SEMA6D: variants seen among roughly 807,000 people sequenced by gnomAD.
The protein encoded by SEMA6D is semaphorin-6D.
SEMA6D carries 35 observed loss-of-function variants against 106.6 expected under a neutral mutation model. The ratio of observed to expected loss-of-function variants is 0.33; its 90% CI spans 0.25 to 0.44. SEMA6D has a LOEUF of 0.44. Ranked by LOEUF, SEMA6D falls within the 20% of genes least tolerant of loss-of-function variation. SEMA6D has a pLI of 1.00. For synonymous variants in SEMA6D, 499 were observed against 487.7 expected (o/e 1.02, Z -0.31); for missense variants, 1,185 against 1,345.9 (o/e 0.88, Z 1.87).
At chr15:47,342,322 G>C (rs2037850303) in intron 1 of SEMA6D, among the ~76,000 whole-genome samples, 1 of 152,158 alleles carries the variant, frequency 6.6e-6, no homozygotes, top group Non-Finnish European at 1.5e-5. Context: ...TTCATGAGTT[G>C]TTCTTTGCTC....
chr15:47,230,653 T>G (rs1318295318), intron 1 of SEMA6D, among the ~76,000 whole-genome samples: 1 of 152,030 alleles, frequency 6.6e-6, no homozygotes, highest in Non-Finnish European at 1.5e-5. Flanking sequence ...TCTCAAAGTG[T>G]CATCAGTCCC....
chr15:47,594,316 C>G (rs1009414793), intron 3 of SEMA6D, among the ~76,000 whole-genome samples: 1 of 152,150 alleles, frequency 6.6e-6, no homozygotes, highest in Non-Finnish European at 1.5e-5. Flanking sequence ...TCCTCTGTTT[C>G]CCTTTCTTTT....
chr15:47,647,719 C>CAAAAAAAA (rs777557315), intron 4 of SEMA6D, among the ~76,000 whole-genome samples: 1 of 93,776 alleles, frequency 1.1e-5, no homozygotes, highest in Non-Finnish European at 2.6e-5. Flanking sequence ...CAATTGTGGG[C>CAAAAAAAA]AAAAAAAAAA....
intron 4 of SEMA6D, among the ~76,000 whole-genome samples, chr15:47,637,266 C>G (rs2077406465): frequency 6.6e-6 from 1 of 152,182 alleles, no homozygotes; most frequent in Non-Finnish European, 1.5e-5. Flanking sequence ...TCTTTCCACC[C>G]CAAACAGTGC....
intron 1 of SEMA6D, among the ~76,000 whole-genome samples, chr15:47,411,406 TG>T (rs2040794526): frequency 6.6e-6 from 1 of 152,120 alleles, no homozygotes. Context: ...CATGCATGCC[TG>T]CCATTGAAGA....
chr15:47,266,225 T>A (rs559633237), intron 1 of SEMA6D, among the ~76,000 whole-genome samples: 12 of 152,222 alleles, frequency 7.9e-5, no homozygotes, highest in African/African-American at 2.9e-4. Flanking sequence ...GCCAGTTGTC[T>A]TTTTGACTAC....
chr15:47,681,967 G>A (rs1341559017), intron 4 of SEMA6D, among the ~76,000 whole-genome samples: 1 of 152,106 alleles, frequency 6.6e-6, no homozygotes, highest in Non-Finnish European at 1.5e-5. Flanking sequence ...TAGGTTCAAT[G>A]GTCTAGTTGT....
chr15:47,197,139 T>G (rs900512225), intron 1 of SEMA6D, among the ~76,000 whole-genome samples: 2 of 152,204 alleles, frequency 1.3e-5, no homozygotes, highest in Non-Finnish European at 2.9e-5. Context: ...TGTGGATTCA[T>G]TAATATCACT....
chr15:47,490,742 A>G (rs1326653467), intron 3 of SEMA6D, among the ~76,000 whole-genome samples: 1 of 152,248 alleles, frequency 6.6e-6, no homozygotes, highest in Non-Finnish European at 1.5e-5. Flanking sequence ...TTTATAAAAT[A>G]TTCCACCAAG....
At chr15:47,334,511 G>A (rs1244050068) in intron 1 of SEMA6D, among the ~76,000 whole-genome samples, 2 of 152,100 alleles carry the variant, frequency 1.3e-5, no homozygotes, top group Non-Finnish European at 2.9e-5. Flanking sequence ...AGGACACCTG[G>A]CTATTGTCTA....
intron 1 of SEMA6D, among the ~76,000 whole-genome samples, chr15:47,219,648 C>G (rs969868422): frequency 5.9e-5 from 9 of 152,184 alleles, no homozygotes; most frequent in Admixed American, 5.9e-4. Flanking sequence ...ACCTTCCTTA[C>G]TGTATTATTT....
rs1255305906 is a variant in SEMA6D, at chr15:47,764,275, C to T, written c.1067C>T (p.Ala356Val). 12 of 1,613,482 alleles carry T rather than the reference C, an allele frequency of 7.4e-6. No individual in the cohort carries two copies. Among genetic ancestry groups the T allele is most frequent in the Admixed American group, 6.7e-5 (4 of 59,954 alleles). Reference protein sequence around the residue: ...EQKTPDSVWTAVPEDKVPKPR... With the variant: ...EQKTPDSVWTVVPEDKVPKPR... Reference sequence around the variant, plus strand: ...AAAACTCCAGATTCTGTTTGGACAGCAGTTCCCGAAGACAAAGTGCCAAAG... The same window carrying T: ...AAAACTCCAGATTCTGTTTGGACAGTAGTTCCCGAAGACAAAGTGCCAAAG... Residue 356 changes from alanine to valine, a missense_variant, in exon 11 of 19, where the codon GCA becomes GTA. Transcript: ENST00000536845.
intron 4 of SEMA6D, among the ~76,000 whole-genome samples, chr15:47,617,062 G>A (rs965057353): frequency 5.3e-5 from 8 of 152,188 alleles, no homozygotes; most frequent in African/African-American, 1.9e-4. Context: ...GGAGTGAGCT[G>A]TTGCCTTCTA....
At chr15:47,221,027 G>C (rs1167355091) in intron 1 of SEMA6D, among the ~76,000 whole-genome samples, 5 of 152,138 alleles carry the variant, frequency 3.3e-5, no homozygotes, top group African/African-American at 4.8e-5. Flanking sequence ...TTTTTCTGCT[G>C]TTCCTTCCCA....
At chr15:47,491,522 A>G (rs969739589) in intron 3 of SEMA6D, among the ~76,000 whole-genome samples, 7 of 152,232 alleles carry the variant, frequency 4.6e-5, no homozygotes, top group African/African-American at 1.7e-4. Context: ...TAAGGGAACT[A>G]TAAATGCAAA....
intron 1 of SEMA6D, among the ~76,000 whole-genome samples, chr15:47,396,148 A>C (rs1459703593): frequency 6.6e-6 from 1 of 152,102 alleles, no homozygotes; most frequent in African/African-American, 2.4e-5. Flanking sequence ...CCGTGCTGGC[A>C]CCTGATCTTG....
intron 1 of SEMA6D, among the ~76,000 whole-genome samples, chr15:47,270,480 G>A (rs933871781): frequency 6.6e-6 from 1 of 151,568 alleles, no homozygotes; most frequent in Non-Finnish European, 1.5e-5. Flanking sequence ...TATGGCAGTG[G>A]CCTCTAGTAA....
chr15:47,522,012 T>G (rs1169881524), intron 3 of SEMA6D, among the ~76,000 whole-genome samples: 2 of 151,898 alleles, frequency 1.3e-5, no homozygotes, highest in African/African-American at 2.4e-5. Context: ...AAAGATTCAT[T>G]AGCAGTAATG....
chr15:47,441,687 T>C (rs1190643699), intron 2 of SEMA6D, among the ~76,000 whole-genome samples: 1 of 152,082 alleles, frequency 6.6e-6, no homozygotes, highest in Non-Finnish European at 1.5e-5. Context: ...TCATAATCAA[T>C]ACATTTTATT....
Sources: gnomAD v4.1 joint callset for allele counts (sites outside exome capture counted in the v4.1 genomes callset) on GRCh38, gnomAD v4.1.1 for gene constraint, MANE v1.5 for transcripts, NCBI Gene and HGNC (gene_info 2026-07-23, HGNC 2026-07-21) for gene names.